The following SV2C variants were observed in gnomAD, a reference collection of about 807,000 sequenced individuals.
SV2C encodes the protein solute carrier family 22 member B3.
SV2C carries 49 observed loss-of-function variants against 79.7 expected under a neutral mutation model. The ratio of observed to expected loss-of-function variants is 0.61; its 90% CI spans 0.49 to 0.78. SV2C has a LOEUF of 0.78. Ranked by LOEUF, SV2C falls within the 30% of genes least tolerant of loss-of-function variation. The probability of loss-of-function intolerance (pLI) is 0.00; values close to 1 mark genes in which losing one functional copy is unlikely to be tolerated. For synonymous variants in SV2C, 334 were observed against 333.2 expected (o/e 1.00, Z -0.03); for missense variants, 833 against 912.9 (o/e 0.91, Z 1.13).
intron 10 of SV2C, among the ~76,000 whole-genome samples, chr5:76,299,225 C>A (rs1315929825): frequency 1.3e-5 from 2 of 152,140 alleles, no homozygotes; most frequent in South Asian, 2.1e-4. Context: ...TTTTGATAAT[C>A]CTGGGTTCAA....
At chr5:76,307,651 A>G (rs1380538937) in intron 12 of SV2C, among the ~76,000 whole-genome samples, 1 of 152,044 alleles carries the variant, frequency 6.6e-6, no homozygotes, top group Non-Finnish European at 1.5e-5. Context: ...AGCAACATAA[A>G]TATTAGATCT....
intron 3 of SV2C, among the ~76,000 whole-genome samples, chr5:76,202,032 AAAAAG>A (rs1447365160): frequency 6.8e-4 from 102 of 150,992 alleles, no homozygotes; most frequent in African/African-American, 2.4e-3. Context: ...AAAAAAAAAA[AAAAAG>A]AAAGAAAAAG....
rs557892572 is a variant in SV2C, at chr5:76,309,654, G to A, written c.2000+8109G>A. ...AAAGAAAGAAAGAAAAATGTAGGTT[G>A]GAAAGGGGAAAAGTCAACACTCAAC... On this transcript the variant is annotated intron_variant, in intron 12 of 12. Transcript: ENST00000502798. Among the ~76,000 whole-genome samples the A allele has an allele frequency of 4.1e-4, 62 of 149,964 alleles. No homozygotes were observed. In the South Asian group the frequency reaches 0.013, roughly 30 times the overall value.
chr5:75,878,875 C>T, the SV2C span, among the ~76,000 whole-genome samples: 1 of 152,140 alleles, frequency 6.6e-6, no homozygotes, highest in Non-Finnish European at 1.5e-5. Flanking sequence ...TTATTTGGCT[C>T]ATGGTTCTGA....
intron 4 of SV2C, among the ~76,000 whole-genome samples, chr5:76,244,744 T>A (rs1745894413): frequency 6.6e-6 from 1 of 152,240 alleles, no homozygotes; most frequent in South Asian, 2.1e-4. Context: ...GGTTTTTGAA[T>A]CACTGAATCA....
intron 4 of SV2C, among the ~76,000 whole-genome samples, chr5:76,245,175 G>A (rs984538354): frequency 1.4e-4 from 22 of 152,118 alleles, no homozygotes; most frequent in Admixed American, 2.6e-4. Flanking sequence ...CATTTCCCCC[G>A]AGTTTATAAA....
chr5:76,209,849 A>G lies in SV2C; in HGVS notation c.875A>G (p.Tyr292Cys). ...ATGTTCTGGATGATCGGTGGCATCT[A>G]CGCCTCTGCCATGGCCTGGGCCATC... ...LCMFWMIGGI[Y>C]ASAMAWAIIP... Residue 292 changes from tyrosine (Y) to cysteine (C), a missense_variant, in exon 4 of 13, where the codon TAC becomes TGC. Physicochemically the swap from Tyr to Cys is radical, Grantham distance 194. Transcript: ENST00000502798. The G allele has an allele frequency of 2.5e-6, 4 of 1,614,150 alleles. No individual in the cohort carries two copies. The highest frequency in any genetic ancestry group is 3.4e-6 in the Non-Finnish European group (4 of 1,180,008).
At chr5:75,983,021 A>C in the SV2C span, among the ~76,000 whole-genome samples, 1 of 152,170 alleles carries the variant, frequency 6.6e-6, no homozygotes. Context: ...AATGGGTACT[A>C]GGCTTAATAT....
chr5:76,337,672 T>C (rs1424957792), downstream of SV2C, among the ~76,000 whole-genome samples: 1 of 152,106 alleles, frequency 6.6e-6, no homozygotes, highest in Admixed American at 6.5e-5. Context: ...GAGGGGATGA[T>C]AAAGACAGGC....
downstream of SV2C, among the ~76,000 whole-genome samples, chr5:76,337,690 C>A (rs2937738): frequency 0.063 from 9,572 of 152,158 alleles, 410 homozygotes; most frequent in East Asian, 0.091. Flanking sequence ...GGCTGAGGAA[C>A]AAGGGTCCTG....
At chr5:75,901,808 C>T in the SV2C span, among the ~76,000 whole-genome samples, 1 of 152,260 alleles carries the variant, frequency 6.6e-6, no homozygotes, top group Non-Finnish European at 1.5e-5. Flanking sequence ...GCCCCTCCCC[C>T]AGCCTTGCTG....
At chr5:75,943,529 G>T in the SV2C span, among the ~76,000 whole-genome samples, 1 of 151,870 alleles carries the variant, frequency 6.6e-6, no homozygotes, top group Admixed American at 6.6e-5. Flanking sequence ...TATCCTGTTT[G>T]CTCAACAAGA....
At chr5:76,271,349 G>A (rs1027336629) in intron 4 of SV2C, among the ~76,000 whole-genome samples, 2 of 152,130 alleles carry the variant, frequency 1.3e-5, no homozygotes, top group Non-Finnish European at 2.9e-5. Flanking sequence ...TCAGTAACGT[G>A]ATGGGCTATG....
chr5:76,060,016 GA>G, the SV2C span, among the ~76,000 whole-genome samples: 8 of 152,054 alleles, frequency 5.3e-5, no homozygotes, highest in Non-Finnish European at 1.2e-4. Flanking sequence ...CATTTTGAAA[GA>G]AAAATTTTTT....
At chr5:76,307,436 C>T (rs551557077) in intron 12 of SV2C, among the ~76,000 whole-genome samples, 3 of 151,954 alleles carry the variant, frequency 2.0e-5, no homozygotes, top group South Asian at 4.2e-4. Flanking sequence ...TTGGGTTGGC[C>T]GGAATCACCT....
At chr5:75,895,663 C>T in the SV2C span, among the ~76,000 whole-genome samples, 1 of 151,978 alleles carries the variant, frequency 6.6e-6, no homozygotes, top group African/African-American at 2.4e-5. Context: ...AATTCATGGG[C>T]CTGGGCTGTG....
the SV2C span, among the ~76,000 whole-genome samples, chr5:75,905,882 T>A: frequency 3.4e-4 from 51 of 150,694 alleles, no homozygotes; most frequent in Middle Eastern, 6.8e-3. Flanking sequence ...GAATGTGACC[T>A]TATTCGGAAA....
At chr5:76,019,194 T>C in the SV2C span, among the ~76,000 whole-genome samples, 1 of 152,130 alleles carries the variant, frequency 6.6e-6, no homozygotes, top group African/African-American at 2.4e-5. Flanking sequence ...TATGGAGTTC[T>C]GGAAGCCAAG....
chr5:75,855,760 G>T, the SV2C span, among the ~76,000 whole-genome samples: 1 of 152,088 alleles, frequency 6.6e-6, no homozygotes, highest in Non-Finnish European at 1.5e-5. Context: ...TATAAAATGG[G>T]ATATCCATCC....
Sources: allele counts gnomAD v4.1 joint callset (sites outside exome capture counted in the v4.1 genomes callset), GRCh38; gene constraint gnomAD v4.1.1; transcripts MANE v1.5; gene names NCBI Gene and HGNC (gene_info 2026-07-23, HGNC 2026-07-21).